Variants in HTRA4 observed in about 807,000 individuals in gnomAD.
HTRA4 encodes the protein HtrA serine peptidase 4, also known as serine protease HTRA4.
In HTRA4, 46 loss-of-function variants were observed where a neutral mutation model predicts 49.1. The ratio of observed to expected loss-of-function variants is 0.94; its 90% CI spans 0.74 to 1.20. HTRA4 has a LOEUF of 1.20. Among genes scored for constraint, HTRA4 ranks in the 50% most tolerant of loss-of-function variants. HTRA4 has a pLI of 0.00. For synonymous variants in HTRA4, 261 were observed against 264.0 expected (o/e 0.99, Z 0.11); for missense variants, 602 against 636.9 (o/e 0.95, Z 0.59).
At chr8:38,983,124 C>T (rs1243956370) in intron 8 of HTRA4, 76 bp downstream of exon 8, 1 of 928,024 alleles carries the variant, frequency 1.1e-6, no homozygotes, top group East Asian at 2.5e-5. Context: ...CATGGGGGAT[C>T]CAGACTTGAT....
intron 4 of HTRA4, among the ~76,000 whole-genome samples, chr8:38,978,979 G>GT (rs1835386836): frequency 8.3e-6 from 1 of 120,900 alleles, no homozygotes; most frequent in Non-Finnish European, 1.6e-5. Flanking sequence ...GGGCAACAGA[G>GT]TAAGACTCCG....
intron 2 of HTRA4, among the ~76,000 whole-genome samples, chr8:38,975,915 G>A (rs1303120110): frequency 6.6e-6 from 1 of 152,174 alleles, no homozygotes; most frequent in Non-Finnish European, 1.5e-5. Flanking sequence ...TCTAGTATTA[G>A]GATTGGGTTC....
chr8:38,976,459 T>C (rs1835352316), intron 2 of HTRA4, 76 bp from the exon 3 acceptor site: 1 of 1,314,970 alleles, frequency 7.6e-7, no homozygotes, highest in Non-Finnish European at 1.1e-6. Flanking sequence ...AGAGTGAGGT[T>C]CCCATGACTC....
At chr8:38,980,431 A>G (rs1256039792) in intron 5 of HTRA4, among the ~76,000 whole-genome samples, 2 of 152,168 alleles carry the variant, frequency 1.3e-5, no homozygotes, top group Non-Finnish European at 2.9e-5. Flanking sequence ...TAACACAATC[A>G]GAAATCTCTT....
At chr8:38,983,505 G>A (rs1480010515) in intron 8 of HTRA4, among the ~76,000 whole-genome samples, 2 of 151,878 alleles carry the variant, frequency 1.3e-5, no homozygotes, top group East Asian at 3.9e-4. Flanking sequence ...CAGTCTGGGC[G>A]ACAGAGCAAG....
intron 6 of HTRA4, among the ~76,000 whole-genome samples, 171 bp downstream of exon 6, chr8:38,981,938 C>G (rs1453663450): frequency 1.3e-5 from 2 of 152,078 alleles, no homozygotes; most frequent in East Asian, 3.9e-4. Context: ...ACCTCTGCCT[C>G]CTGGGTTCAA....
chr8:38,978,372 T>C (rs10104287), intron 4 of HTRA4, among the ~76,000 whole-genome samples: 116,539 of 152,182 alleles, frequency 0.77, 44,873 homozygotes, highest in East Asian at 0.95. Flanking sequence ...ATGTTCCTTA[T>C]AGAATCTAAC....
In HTRA4 at chr8:38,988,174, C is replaced by A; in HGVS notation, c.*76C>A. On this transcript the variant is annotated 3_prime_UTR_variant, in exon 9 of 9. Transcript: ENST00000302495. ...CACGTGGTTTGTATTGGAGATGTGC[C>A]AAACATGGCAAGAAGTTTTTGGATC... 2 of 1,295,154 alleles carry A rather than the reference C, an allele frequency of 1.5e-6. No individual in the cohort carries two copies. Among genetic ancestry groups the A allele is most frequent in the Non-Finnish European group, 1.0e-6 (1 of 975,542 alleles). 80.2% of individuals were successfully genotyped at this position (1,295,154 alleles called of 1,614,324 possible).
rs778843256 is a variant in HTRA4 at position 38,974,729 on chromosome 8, G to C, written c.466G>C (p.Gly156Arg). 2.1e-5 allele frequency: 30 copies of C among 1,427,180 alleles called. No homozygotes were observed. In the South Asian group the frequency reaches 4.5e-4, roughly 21 times the overall value. The allele number at this position is 1,427,180 out of a possible 1,614,324, so 88.4% of individuals were successfully genotyped here. The change falls in exon 1 of 9, where the codon GGG becomes CGG. Residue 156 changes from glycine (G) to arginine (R), a missense_variant and splice_region_variant. Coordinates refer to ENST00000302495, the MANE Select transcript of HTRA4 (RefSeq NM_153692.4). ...PVQWGNCGDT[G>R]TRSAGPLRRN... Reference sequence around the variant, plus strand: ...GCAGTGGGGGAACTGCGGGGATACAGGTGAGCCGCGGGGGCGCGCGCCCTC... The same window carrying C: ...GCAGTGGGGGAACTGCGGGGATACACGTGAGCCGCGGGGGCGCGCGCCCTC...
In HTRA4 at chr8:38,987,931, C is replaced by G. The variant is rs201501667; in HGVS notation, c.1269-5C>G. On this transcript the variant is annotated splice_polypyrimidine_tract_variant and splice_region_variant and intron_variant, in intron 8 of 8. Coordinates refer to ENST00000302495, the MANE Select transcript of HTRA4 (RefSeq NM_153692.4). ...ATGATCCTCTTTTTTTTCTCCCTCT[C>G]TCAGCTCTGGATTGAGAGATCACGA... 1 of 1,545,974 alleles carries G rather than the reference C, an allele frequency of 6.5e-7. No homozygotes were observed. Among genetic ancestry groups the G allele is most frequent in the Non-Finnish European group, 8.7e-7 (1 of 1,153,786 alleles).
In HTRA4 at chr8:38,988,012, G is replaced by T; in HGVS notation, c.1345G>T (p.Ala449Ser). ...PITTTTDVVKALDSDSLSMAV... is the reference protein window; with the variant it reads ...PITTTTDVVKSLDSDSLSMAV... ...TACTACTACAACTGATGTTGTTAAA[G>T]CTCTTGACAGTGATTCCCTTTCCAT... The change falls in exon 9 of 9, where the codon GCT becomes TCT. Residue 449 changes from alanine to serine, a missense_variant. Ala to Ser is a moderately conservative substitution (Grantham distance 99). Transcript: ENST00000302495. 6.2e-7 allele frequency: 1 copy of T among 1,612,608 alleles called. No individual in the cohort carries two copies.
intron 3 of HTRA4, among the ~76,000 whole-genome samples, 166 bp from the exon 4 acceptor site, chr8:38,977,787 T>C (rs1311738826): frequency 6.6e-6 from 1 of 152,176 alleles, no homozygotes; most frequent in East Asian, 1.9e-4. Flanking sequence ...GAGGAAGAAG[T>C]AGAAGGCAAT....
At chr8:38,977,289 T>C (rs1835365069) in intron 3 of HTRA4, among the ~76,000 whole-genome samples, 1 of 151,806 alleles carries the variant, frequency 6.6e-6, no homozygotes, top group Admixed American at 6.6e-5. Context: ...TTTTCCTCCT[T>C]CAACAAATGC....
intron 6 of HTRA4, 99 bp from the exon 7 acceptor site, chr8:38,982,399 C>T: frequency 9.9e-7 from 1 of 1,012,074 alleles, no homozygotes; most frequent in Non-Finnish European, 1.5e-6. Context: ...CCTGAAAGGA[C>T]AGCTGTGATG....
chr8:38,977,699 C>T (rs1835369726), intron 3 of HTRA4, among the ~76,000 whole-genome samples: 1 of 152,138 alleles, frequency 6.6e-6, no homozygotes, highest in Non-Finnish European at 1.5e-5. Flanking sequence ...ATAGTAATTT[C>T]TACAAAGTAA....
rs368542249 is a variant in HTRA4 at position 38,988,057 on chromosome 8, G to C, written c.1390G>C (p.Asp464His). 2 of 1,608,562 alleles carry C rather than the reference G, an allele frequency of 1.2e-6. No individual in the cohort carries two copies. Among genetic ancestry groups the C allele is most frequent in the Admixed American group, 1.7e-5 (1 of 59,268 alleles). The change falls in exon 9 of 9, where the codon GAT (aspartate) becomes CAT (histidine). Residue 464 changes from aspartate (D) to histidine (H), a missense_variant. Physicochemically the swap from Asp to His is moderately conservative, Grantham distance 81. Coordinates refer to ENST00000302495, the MANE Select transcript of HTRA4 (RefSeq NM_153692.4). ...TTCCATGGCTGTTCTTCGGGGAAAA[G>C]ATAATTTGCTCCTGACAGTCATACC... ...SLSMAVLRGK[D>H]NLLLTVIPET... is the part of the protein sequence containing the mutation.
chr8:38,983,046 A>G lies in HTRA4; in HGVS notation c.1266A>G (p.Gln422=). The change falls in exon 8 of 9, where the codon CAA becomes CAG. Residue 422 remains glutamine, a splice_region_variant and synonymous_variant. Transcript: ENST00000302495. ...VCKVVEGTAA[Q]SSGLRDHDVI... Reference sequence around the variant, plus strand: ...AAGTGGTTGAAGGAACAGCTGCTCAAAGGTAAGAGAAGTGAAGGCCTTTGT... The same window carrying G: ...AAGTGGTTGAAGGAACAGCTGCTCAGAGGTAAGAGAAGTGAAGGCCTTTGT... The G allele has an allele frequency of 6.2e-7, 1 of 1,606,562 alleles. No homozygotes were observed.
intron 4 of HTRA4, among the ~76,000 whole-genome samples, chr8:38,978,707 G>T (rs1300079708): frequency 6.6e-6 from 1 of 152,010 alleles, no homozygotes; most frequent in African/African-American, 2.4e-5. Flanking sequence ...AGAAGGTGGT[G>T]GTCCCTTGGC....
intron 5 of HTRA4, among the ~76,000 whole-genome samples, chr8:38,980,103 G>A (rs143203937): frequency 5.4e-4 from 82 of 152,252 alleles, no homozygotes; most frequent in African/African-American, 1.9e-3. Context: ...TGTCTCTAGT[G>A]GAAATGTCAG....
Sources: gnomAD v4.1 joint callset for allele counts (sites outside exome capture counted in the v4.1 genomes callset) on GRCh38, gnomAD v4.1.1 for gene constraint, MANE v1.5 for transcripts, NCBI Gene and HGNC (gene_info 2026-07-23, HGNC 2026-07-21) for gene names.